Variants in PARD3B observed in about 807,000 individuals in gnomAD.
PARD3B encodes the protein partitioning defective 3 homolog B.
PARD3B carries 103 observed loss-of-function variants against 130.2 expected under a neutral mutation model. The observed-to-expected ratio is 0.79, with a 90% CI of 0.67 to 0.93. The LOEUF (loss-of-function observed/expected upper bound fraction) is 0.93, where lower values mean the gene tolerates loss of function less well. PARD3B is among the 40% of genes least tolerant of loss of function. The pLI is 0.00. For synonymous variants in PARD3B, 583 were observed against 553.2 expected, an observed-to-expected ratio of 1.05 and a Z score of -0.76; for missense variants, 1,609 against 1,499.2, an observed-to-expected ratio of 1.07 and a Z score of -1.21.
intron 2 of PARD3B, among the ~76,000 whole-genome samples, chr2:204,709,013 C>A (rs753160589): frequency 6.6e-6 from 1 of 152,120 alleles, no homozygotes; most frequent in Non-Finnish European, 1.5e-5. Flanking sequence ...CATAGTACAT[C>A]TCAAATATAA....
intron 19 of PARD3B, among the ~76,000 whole-genome samples, chr2:205,416,678 A>G (rs924149232): frequency 1.3e-5 from 2 of 152,316 alleles, no homozygotes; most frequent in African/African-American, 2.4e-5. Context: ...CTGATATCAT[A>G]TAAACTATGC....
Position 205,300,809 on chromosome 2 carries a change from C to T in PARD3B, c.2392+73C>T. On this transcript the variant is annotated intron_variant, in intron 17 of 22. Coordinates refer to ENST00000406610, the MANE Select transcript of PARD3B (RefSeq NM_001302769.2). This position sits in a 1 kb window ranked among gnomAD's most constrained non-coding sequence, Gnocchi z 4.1. ...TGCAAATCATGGGCAAGAATGTGTGCTCAACTACAGAAAAAAATGATTTAA... is the reference window on the plus strand; with the variant it reads ...TGCAAATCATGGGCAAGAATGTGTGTTCAACTACAGAAAAAAATGATTTAA... 1.4e-6 allele frequency: 2 copies of T among 1,383,504 alleles called. No individual in the cohort carries two copies. Among genetic ancestry groups the T allele is most frequent in the East Asian group, 4.7e-5 (2 of 42,966 alleles). The allele number at this position is 1,383,504 out of a possible 1,614,324, so 85.7% of individuals were successfully genotyped here.
At chr2:205,054,430 ATATATATTTTTTTT>A (rs1242215480) in intron 4 of PARD3B, among the ~76,000 whole-genome samples, 20 of 37,706 alleles carry the variant, frequency 5.3e-4, no homozygotes, top group Middle Eastern at 0.037. Flanking sequence ...ATATATATAT[ATATATATTTTTTTT>A]TTTTTTTTTT....
chr2:204,919,471 G>T (rs1359142347), intron 2 of PARD3B, among the ~76,000 whole-genome samples: 2 of 152,124 alleles, frequency 1.3e-5, no homozygotes, highest in African/African-American at 4.8e-5. Flanking sequence ...GTTTTGCCTT[G>T]TGTAGAACTT....
At chr2:205,607,831 TACACACAC>T (rs776583001) in intron 22 of PARD3B, among the ~76,000 whole-genome samples, 23,191 of 115,918 alleles carry the variant, frequency 0.2, 2,152 homozygotes, top group Non-Finnish European at 0.25. Flanking sequence ...CCAACACCCA[TACACACAC>T]ACACACACAC....
At chr2:205,433,331 G>A (rs376819739) in intron 19 of PARD3B, among the ~76,000 whole-genome samples, 3 of 152,102 alleles carry the variant, frequency 2.0e-5, no homozygotes, top group East Asian at 3.9e-4. Flanking sequence ...TCAGGAGTTC[G>A]AGACCAGCCT....
At chr2:205,479,779 C>G (rs2049157703) in intron 20 of PARD3B, among the ~76,000 whole-genome samples, 2 of 152,076 alleles carry the variant, frequency 1.3e-5, no homozygotes, top group Non-Finnish European at 2.9e-5. Flanking sequence ...TACTCAGAGT[C>G]AAATCCAAAG....
At position 205,362,594 on chromosome 2, in the gene PARD3B, C is replaced by T. The variant is rs568033993; in HGVS notation, c.2631-38419C>T. Among the ~76,000 whole-genome samples the T allele has an allele frequency of 7.2e-5, 11 of 152,310 alleles. 1 individual carries two copies. In the East Asian group the frequency reaches 2.1e-3, roughly 29 times the overall value. Reference sequence around the variant, plus strand: ...ATGTGTAATCTCCTAGGTAGTCTAACAGACATAACAAGGGCCTATAATCTT... The same window carrying T: ...ATGTGTAATCTCCTAGGTAGTCTAATAGACATAACAAGGGCCTATAATCTT... On this transcript the variant is annotated intron_variant, in intron 18 of 22. Transcript: ENST00000406610.
intron 4 of PARD3B, among the ~76,000 whole-genome samples, chr2:205,079,735 G>A (rs1461349942): frequency 6.6e-6 from 1 of 152,084 alleles, no homozygotes; most frequent in African/African-American, 2.4e-5. Flanking sequence ...TAAATAATGT[G>A]TGCTGATAAT....
At chr2:205,528,702 G>C (rs1332924066) in intron 21 of PARD3B, among the ~76,000 whole-genome samples, 15 of 152,110 alleles carry the variant, frequency 9.9e-5, no homozygotes, top group African/African-American at 3.6e-4. Context: ...ATGTTGGCCA[G>C]GATGGTCTCA....
intron 3 of PARD3B, among the ~76,000 whole-genome samples, chr2:205,037,248 AATAT>A (rs899276931): frequency 1.4e-5 from 2 of 147,554 alleles, no homozygotes; most frequent in Non-Finnish European, 3.0e-5. Flanking sequence ...TGTATATAAA[AATAT>A]ATATATAGTG....
intron 2 of PARD3B, among the ~76,000 whole-genome samples, chr2:204,962,099 G>C (rs1559303306): frequency 2.0e-5 from 3 of 152,190 alleles, no homozygotes; most frequent in Non-Finnish European, 4.4e-5. Flanking sequence ...CTGGGGATTA[G>C]ATGCTTAAAT....
rs1040619397 is a variant in PARD3B, at chr2:204,927,134, G to A, written c.223-38018G>A. ...AGGACTAAAGAATAATACATTTTTGGTGATACTAAAAAAATACTGAAGATG... is the reference window on the plus strand; with the variant it reads ...AGGACTAAAGAATAATACATTTTTGATGATACTAAAAAAATACTGAAGATG... On this transcript the variant is annotated intron_variant, in intron 2 of 22. Coordinates refer to ENST00000406610, the MANE Select transcript of PARD3B (RefSeq NM_001302769.2). 9.9e-5 allele frequency among the ~76,000 whole-genome samples: 15 copies of A among 152,172 alleles called. No individual in the cohort carries two copies. In the East Asian group the frequency reaches 2.1e-3, roughly 22 times the overall value.
rs911732281 is a variant in PARD3B at position 204,745,703 on chromosome 2, G to A, written c.222+59421G>A. Among the ~76,000 whole-genome samples, 5 of 151,876 alleles carry A rather than the reference G, an allele frequency of 3.3e-5. 1 individual carries two copies. Among genetic ancestry groups the A allele is most frequent in the African/African-American group, 7.3e-5 (3 of 41,358 alleles). On this transcript the variant is annotated intron_variant, in intron 2 of 22. Transcript: ENST00000406610. ...CAGGCATGAGCCACCATGCCTGGCC[G>A]ATACTACCATTTTCATTACACCCAG... is the stretch of plus-strand genomic sequence containing the variant.
intron 1 of PARD3B, among the ~76,000 whole-genome samples, chr2:204,565,380 C>T (rs749465238): frequency 1.3e-5 from 2 of 152,192 alleles, no homozygotes; most frequent in Non-Finnish European, 1.5e-5. Flanking sequence ...AATATTCATA[C>T]TCCATTACAA....
intron 1 of PARD3B, among the ~76,000 whole-genome samples, chr2:204,665,115 T>G (rs891713460): frequency 6.6e-6 from 1 of 151,960 alleles, no homozygotes; most frequent in Non-Finnish European, 1.5e-5. Flanking sequence ...TTTTTGTTTT[T>G]TTTTTTGTCT....
rs545781041 is a variant in PARD3B at position 205,170,127 on chromosome 2, T to C, written c.1621-2084T>C. Among the ~76,000 whole-genome samples, 10 of 152,032 alleles carry C rather than the reference T, an allele frequency of 6.6e-5. No homozygotes were observed. In the East Asian group the frequency reaches 1.7e-3, roughly 27 times the overall value. ...GTATTTTAAGTAGAGACGGGGTTTC[T>C]CCATGTTGGTCAGACTGGTCTCGAA... On this transcript the variant is annotated intron_variant, in intron 11 of 22. Transcript: ENST00000406610.
At chr2:205,000,765 T>A (rs539663154) in intron 3 of PARD3B, among the ~76,000 whole-genome samples, 1 of 152,296 alleles carries the variant, frequency 6.6e-6, no homozygotes, top group South Asian at 2.1e-4. Context: ...ACTGATTTCC[T>A]GAGTACATCG....
chr2:204,730,205 G>C (rs2039445424), intron 2 of PARD3B, among the ~76,000 whole-genome samples: 1 of 152,048 alleles, frequency 6.6e-6, no homozygotes, highest in Non-Finnish European at 1.5e-5. Flanking sequence ...CTCCCGAGTA[G>C]CTGGGATTAC....
Sources: allele counts gnomAD v4.1 joint callset (sites outside exome capture counted in the v4.1 genomes callset), GRCh38; gene constraint gnomAD v4.1.1; non-coding constraint Gnocchi (gnomAD v3.1); transcripts MANE v1.5; gene names NCBI Gene and HGNC (gene_info 2026-07-23, HGNC 2026-07-21).